Variants in ALK observed in about 807,000 individuals in gnomAD.
ALK encodes ALK receptor tyrosine kinase.
ALK carries 74 observed loss-of-function variants against 163.1 expected under a neutral mutation model. The ratio of observed to expected loss-of-function variants is 0.45; its 90% CI spans 0.38 to 0.55. The LOEUF (loss-of-function observed/expected upper bound fraction) is 0.55. ALK is among the 20% of genes least tolerant of loss of function. The pLI is 0.00. For synonymous variants in ALK, 960 were observed against 843.2 expected (o/e 1.14, Z -2.40); for missense variants, 2,063 against 2,105.3 (o/e 0.98, Z 0.39).
rs990513727 is a variant in ALK at position 29,709,589 on chromosome 2, C to G, written c.787+7989G>C. On this transcript the variant is annotated intron_variant, in intron 2 of 28. Coordinates refer to ENST00000389048, the MANE Select transcript of ALK (RefSeq NM_004304.5). ...CGCAGGACCACAAATAACTAAGACA[C>G]AAGGAAAAGTGTGACATCAGAGGCA... Among the ~76,000 whole-genome samples the G allele has an allele frequency of 2.0e-5, 3 of 152,092 alleles. No homozygotes were observed. The South Asian group carries it at 6.2e-4, about 32-fold the overall frequency.
At position 29,227,775 on chromosome 2, in the gene ALK, G is replaced by T. The variant is rs1558626686; in HGVS notation, c.2816-103C>A. 7.9e-6 allele frequency: 7 copies of T among 881,996 alleles called. No individual in the cohort carries two copies. The highest frequency in any genetic ancestry group is 7.0e-5 in the South Asian group (5 of 71,140). 54.6% of individuals were successfully genotyped at this position (881,996 alleles called of 1,614,324 possible). On this transcript the variant is annotated intron_variant, in intron 16 of 28. Transcript: ENST00000389048. This position sits in a 1 kb window ranked among gnomAD's most constrained non-coding sequence, Gnocchi z 4.4. Reference sequence around the variant, plus strand: ...ATGCAGCTCTGGCCAAAGTTAGGGGGTCACTGGGGACCTCAGGGGCAGGGA... The same window carrying T: ...ATGCAGCTCTGGCCAAAGTTAGGGGTTCACTGGGGACCTCAGGGGCAGGGA...
At chr2:29,492,567 C>T (rs1031360098) in intron 4 of ALK, among the ~76,000 whole-genome samples, 22 of 152,248 alleles carry the variant, frequency 1.4e-4, no homozygotes, top group Admixed American at 5.9e-4. Context: ...TTTCTGCACA[C>T]GGTCAGTAGG....
At chr2:29,524,556 A>T (rs62131077) in intron 4 of ALK, among the ~76,000 whole-genome samples, 16,013 of 152,300 alleles carry the variant, frequency 0.11, 1,309 homozygotes, top group South Asian at 0.33. Flanking sequence ...AATGGTACAG[A>T]TCATAGTAAA....
intron 3 of ALK, among the ~76,000 whole-genome samples, chr2:29,599,429 T>A (rs1258454821): frequency 6.6e-6 from 1 of 152,200 alleles, no homozygotes; most frequent in Non-Finnish European, 1.5e-5. Flanking sequence ...ATAGAGGACG[T>A]GGAGTCATAT....
chr2:29,420,156 TAAA>T (rs66468654), intron 4 of ALK, among the ~76,000 whole-genome samples: 1,182 of 108,722 alleles, frequency 0.011, 23 homozygotes, highest in East Asian at 0.043. Flanking sequence ...GACCCTGTCT[TAAA>T]AAAAAAAAAA....
intron 4 of ALK, among the ~76,000 whole-genome samples, chr2:29,418,545 C>T (rs549750672): frequency 1.3e-5 from 2 of 152,134 alleles, no homozygotes; most frequent in Admixed American, 1.3e-4. Flanking sequence ...CCCCTCTTAC[C>T]CTCCCACCTT....
intron 3 of ALK, among the ~76,000 whole-genome samples, chr2:29,619,728 G>A (rs947622486): frequency 1.4e-4 from 21 of 152,176 alleles, no homozygotes; most frequent in Non-Finnish European, 2.8e-4. Flanking sequence ...ACCCTCAGAA[G>A]CTATCTCCAC....
intron 2 of ALK, among the ~76,000 whole-genome samples, chr2:29,700,964 G>A (rs1163876626): frequency 6.6e-6 from 1 of 152,208 alleles, no homozygotes; most frequent in African/African-American, 2.4e-5. Context: ...CCCAAGGCCT[G>A]TGCCTAGGAA....
intron 3 of ALK, among the ~76,000 whole-genome samples, chr2:29,591,311 C>T (rs1056303022): frequency 6.6e-6 from 1 of 152,100 alleles, no homozygotes; most frequent in African/African-American, 2.4e-5. Context: ...TCCTTTTAGT[C>T]CCTGGAAAGA....
chr2:29,542,622 G>A (rs1322253204), intron 3 of ALK, among the ~76,000 whole-genome samples: 1 of 152,180 alleles, frequency 6.6e-6, no homozygotes, highest in Non-Finnish European at 1.5e-5. Flanking sequence ...GTGTTACTAA[G>A]AAGAAGTCTA....
At chr2:29,454,275 T>C (rs1670894623) in intron 4 of ALK, among the ~76,000 whole-genome samples, 1 of 152,194 alleles carries the variant, frequency 6.6e-6, no homozygotes, top group Non-Finnish European at 1.5e-5. Flanking sequence ...ATACCAAAAT[T>C]CAAGAATGCT....
intron 8 of ALK, among the ~76,000 whole-genome samples, chr2:29,306,297 C>T (rs1262737021): frequency 6.6e-6 from 1 of 152,220 alleles, no homozygotes; most frequent in Non-Finnish European, 1.5e-5. Context: ...CACCCCTGGG[C>T]ACTAAGCCCA....
At chr2:29,520,106 C>T (rs1298734632) in intron 4 of ALK, among the ~76,000 whole-genome samples, 2 of 152,128 alleles carry the variant, frequency 1.3e-5, no homozygotes, top group African/African-American at 4.8e-5. Context: ...AACTAAAAGG[C>T]ACACACGGAC....
At chr2:29,830,465 G>A (rs1009352325) in intron 1 of ALK, among the ~76,000 whole-genome samples, 2 of 152,080 alleles carry the variant, frequency 1.3e-5, no homozygotes, top group African/African-American at 4.8e-5. Context: ...CTTCAGGTAA[G>A]AGGAGCCCTA....
At chr2:29,291,595 A>G (rs1410905387) in intron 9 of ALK, among the ~76,000 whole-genome samples, 1 of 152,196 alleles carries the variant, frequency 6.6e-6, no homozygotes, top group African/African-American at 2.4e-5. Context: ...AAATTAGATA[A>G]TGCATGTTAA....
intron 1 of ALK, among the ~76,000 whole-genome samples, chr2:29,730,777 C>G (rs1228880084): frequency 6.6e-6 from 1 of 152,190 alleles, no homozygotes; most frequent in Non-Finnish European, 1.5e-5. Context: ...CCTGGTCTGG[C>G]CTAGCCTCCC....
intron 1 of ALK, among the ~76,000 whole-genome samples, chr2:29,803,795 G>A (rs1051880460): frequency 7.2e-5 from 11 of 152,150 alleles, no homozygotes; most frequent in Non-Finnish European, 1.6e-4. Flanking sequence ...GTGGGGGAAG[G>A]AAGCCCAAAC....
intron 5 of ALK, among the ~76,000 whole-genome samples, chr2:29,374,758 T>G (rs1051554878): frequency 6.6e-6 from 1 of 152,232 alleles, no homozygotes; most frequent in East Asian, 1.9e-4. Flanking sequence ...ATAATTTTCA[T>G]GCTTATCTTT....
intron 4 of ALK, among the ~76,000 whole-genome samples, chr2:29,413,021 G>A (rs1016052063): frequency 2.0e-5 from 3 of 152,094 alleles, no homozygotes; most frequent in African/African-American, 7.2e-5. Context: ...ATGCTTGACG[G>A]GCAAGCAATA....
Sources: gnomAD v4.1 joint callset for allele counts (sites outside exome capture counted in the v4.1 genomes callset) on GRCh38, gnomAD v4.1.1 for gene constraint, Gnocchi (gnomAD v3.1) non-coding constraint, MANE v1.5 for transcripts, NCBI Gene and HGNC (gene_info 2026-07-23, HGNC 2026-07-21) for gene names.